Variants in SEMA6D observed in about 807,000 individuals in gnomAD.
SEMA6D encodes the protein semaphorin 6D.
In SEMA6D, 35 loss-of-function variants were observed where a neutral mutation model predicts 106.6. That is an observed-to-expected ratio of 0.33 (90% CI 0.25 to 0.44). The LOEUF (loss-of-function observed/expected upper bound fraction) is 0.44. Among genes scored for constraint, SEMA6D ranks in the 20% least tolerant of loss-of-function variants. SEMA6D has a pLI of 1.00. For missense variants in SEMA6D, 1,185 were observed against 1,345.9 expected, an observed-to-expected ratio of 0.88 and a Z score of 1.87; for synonymous variants, 499 against 487.7, an observed-to-expected ratio of 1.02 and a Z score of -0.31.
At chr15:47,238,318 A>G (rs76409641) in intron 1 of SEMA6D, among the ~76,000 whole-genome samples, 6,665 of 152,166 alleles carry the variant, frequency 0.044, 207 homozygotes, top group African/African-American at 0.085. Context: ...CTAAAAGCAC[A>G]CAGAGTTGCC....
chr15:47,688,580 G>A (rs970595478), intron 4 of SEMA6D, among the ~76,000 whole-genome samples: 2 of 152,144 alleles, frequency 1.3e-5, no homozygotes, highest in Non-Finnish European at 2.9e-5. Flanking sequence ...AAATGAGTAG[G>A]TTAACAAACC....
At chr15:47,312,294 C>T (rs2036482297) in intron 1 of SEMA6D, among the ~76,000 whole-genome samples, 1 of 152,182 alleles carries the variant, frequency 6.6e-6, no homozygotes, top group South Asian at 2.1e-4. Flanking sequence ...AAACAGTGTT[C>T]TCACTCTGAT....
intron 3 of SEMA6D, among the ~76,000 whole-genome samples, chr15:47,524,640 G>T (rs924943364): frequency 6.6e-6 from 1 of 152,176 alleles, no homozygotes; most frequent in African/African-American, 2.4e-5. Flanking sequence ...GATCTCGTTA[G>T]AGGGAGACAG....
intron 1 of SEMA6D, among the ~76,000 whole-genome samples, chr15:47,311,470 G>A (rs554879505): frequency 2.8e-4 from 42 of 152,174 alleles, no homozygotes; most frequent in Non-Finnish European, 1.3e-4. Flanking sequence ...TGTAATGCCC[G>A]CCAGAGGGGT....
intron 3 of SEMA6D, among the ~76,000 whole-genome samples, chr15:47,471,301 A>C (rs962645996): frequency 3.3e-5 from 5 of 152,186 alleles, no homozygotes; most frequent in African/African-American, 7.2e-5. Context: ...TGATGTTTTC[A>C]GTTTGTTCAT....
chr15:47,754,795 T>A (rs1567080292), intron 1 of SEMA6D, among the ~76,000 whole-genome samples: 1 of 95,472 alleles, frequency 1.0e-5, no homozygotes, highest in Non-Finnish European at 2.7e-5. Flanking sequence ...CTTACTCTCT[T>A]GTCTGTTTCT....
At position 47,318,461 on chromosome 15, in the gene SEMA6D, C is replaced by T. The variant is rs191027025; in HGVS notation, c.-238-93932C>T. ...GTCCCCAGAGTGTGATGTTCCCCTT[C>T]GTGTGTCCATGTGTTCTCATTGTTC... On this transcript the variant is annotated intron_variant, in intron 1 of 19. Coordinates refer to the SEMA6D transcript ENST00000558014. Among the ~76,000 whole-genome samples the T allele has an allele frequency of 2.5e-4, 34 of 137,950 alleles. No homozygotes were observed. In the East Asian group the frequency reaches 6.1e-3, roughly 25 times the overall value. The allele number at this position is 137,950 out of a possible 152,430, so 90.5% of individuals were successfully genotyped here. A position where few individuals can be genotyped will look rare whatever the true frequency, so the allele number is the denominator to read the frequency against.
intron 3 of SEMA6D, among the ~76,000 whole-genome samples, chr15:47,589,882 A>T (rs945722903): frequency 1.3e-5 from 2 of 152,234 alleles, no homozygotes; most frequent in Non-Finnish European, 2.9e-5. Context: ...ACAATCCAAC[A>T]TAAAACTTAG....
At chr15:47,362,740 A>G (rs2038861393) in intron 1 of SEMA6D, among the ~76,000 whole-genome samples, 1 of 152,108 alleles carries the variant, frequency 6.6e-6, no homozygotes, top group Non-Finnish European at 1.5e-5. Flanking sequence ...GGCCTGAGGA[A>G]GAGGGGGAGG....
At chr15:47,252,059 G>T in intron 1 of SEMA6D, among the ~76,000 whole-genome samples, 1 of 149,278 alleles carries the variant, frequency 6.7e-6, no homozygotes, top group Middle Eastern at 3.4e-3. Context: ...GGGACTACAG[G>T]CGCCCGCTAC....
intron 3 of SEMA6D, among the ~76,000 whole-genome samples, chr15:47,571,550 A>G (rs553517401): frequency 1.6e-4 from 24 of 152,340 alleles, no homozygotes; most frequent in African/African-American, 5.3e-4. Context: ...TCAATCTTCA[A>G]TCCAGGTTTA....
At chr15:47,308,585 A>G (rs1348384123) in intron 1 of SEMA6D, among the ~76,000 whole-genome samples, 1 of 152,202 alleles carries the variant, frequency 6.6e-6, no homozygotes, top group African/African-American at 2.4e-5. Context: ...CTTTGGCAGA[A>G]GAGTTTCTCA....
chr15:47,459,277 A>G (rs1017270572), intron 2 of SEMA6D, among the ~76,000 whole-genome samples: 1 of 152,170 alleles, frequency 6.6e-6, no homozygotes, highest in East Asian at 1.9e-4. Flanking sequence ...CAGCCTTCAG[A>G]CAACAGCCTG....
chr15:47,745,469 C>T (rs760011340), intron 1 of SEMA6D, among the ~76,000 whole-genome samples: 2 of 152,382 alleles, frequency 1.3e-5, no homozygotes, highest in African/African-American at 2.4e-5. Flanking sequence ...CACTGCTCAA[C>T]GCTTGTCAGC....
chr15:47,258,604 G>C (rs2033923222), intron 1 of SEMA6D, among the ~76,000 whole-genome samples: 1 of 152,032 alleles, frequency 6.6e-6, no homozygotes, highest in African/African-American at 2.4e-5. Flanking sequence ...AAGACTTATA[G>C]TAGTATTATC....
intron 1 of SEMA6D, among the ~76,000 whole-genome samples, chr15:47,740,263 G>A (rs948101303): frequency 6.6e-6 from 1 of 152,160 alleles, no homozygotes; most frequent in African/African-American, 2.4e-5. Flanking sequence ...ACTCATGCCT[G>A]TAATCCCAGC....
intron 2 of SEMA6D, among the ~76,000 whole-genome samples, chr15:47,445,313 C>T (rs996862310): frequency 1.3e-5 from 2 of 152,044 alleles, no homozygotes; most frequent in Non-Finnish European, 2.9e-5. Context: ...GCCGGGGAAC[C>T]ACCCTCTTCT....
chr15:47,363,649 T>C (rs1015974774), intron 1 of SEMA6D, among the ~76,000 whole-genome samples: 9 of 152,038 alleles, frequency 5.9e-5, no homozygotes, highest in African/African-American at 1.9e-4. Flanking sequence ...ATTGTGCCAG[T>C]GACAAGGGCA....
chr15:47,349,447 A>G (rs2038221670), intron 1 of SEMA6D, among the ~76,000 whole-genome samples: 1 of 152,176 alleles, frequency 6.6e-6, no homozygotes, highest in Non-Finnish European at 1.5e-5. Context: ...TGTGGGCCCC[A>G]CCACCAATTC....
Sources: allele counts gnomAD v4.1 joint callset (sites outside exome capture counted in the v4.1 genomes callset), GRCh38; gene constraint gnomAD v4.1.1; transcripts MANE v1.5; gene names NCBI Gene and HGNC (gene_info 2026-07-23, HGNC 2026-07-21).